Variants in KCNT1 observed in about 807,000 individuals in gnomAD.
KCNT1 encodes the protein potassium channel subfamily T member 1.
In KCNT1, 78 loss-of-function variants were observed where a neutral mutation model predicts 147.8. That is an observed-to-expected ratio of 0.53 (90% CI 0.44 to 0.64). The LOEUF (loss-of-function observed/expected upper bound fraction) is 0.64, where lower values mean the gene tolerates loss of function less well. KCNT1 is among the 30% of genes least tolerant of loss of function. KCNT1 has a pLI of 0.00. For missense variants in KCNT1, 1,419 were observed against 1,750.3 expected, an observed-to-expected ratio of 0.81 and a Z score of 3.38; for synonymous variants, 867 against 748.8, an observed-to-expected ratio of 1.16 and a Z score of -2.58.
At chr9:135,768,418 CTCCTCCCGCCTTCCA>C (rs1029110936) in intron 13 of KCNT1, 177 bp from the exon 14 acceptor site, 13 of 499,106 alleles carry the variant, frequency 2.6e-5, no homozygotes, top group East Asian at 7.1e-5. Flanking sequence ...GAGTAGGGGC[CTCCTCCCGCCTTCCA>C]TCCTCCCCGC....
intron 2 of KCNT1, among the ~76,000 whole-genome samples, chr9:135,727,470 CT>C (rs57226914): frequency 0.046 from 6,961 of 150,876 alleles, 363 homozygotes; most frequent in African/African-American, 0.12. Context: ...CTCTCTCCCT[CT>C]CTCTCTGTCA....
chr9:135,716,688 C>T (rs921847955), intron 2 of KCNT1, among the ~76,000 whole-genome samples: 3 of 152,124 alleles, frequency 2.0e-5, no homozygotes, highest in East Asian at 1.9e-4. Context: ...GGTTGTGTGC[C>T]GATGGTATTA....
intron 10 of KCNT1, among the ~76,000 whole-genome samples, 171 bp from the exon 11 acceptor site, chr9:135,759,508 G>T (rs1309078415): frequency 2.6e-5 from 4 of 152,230 alleles, no homozygotes; most frequent in African/African-American, 7.2e-5. Flanking sequence ...GGACAGATGG[G>T]CAGGGCTGAG....
At chr9:135,756,648 C>A (rs66469249) in intron 6 of KCNT1, among the ~76,000 whole-genome samples, 1 of 152,018 alleles carries the variant, frequency 6.6e-6, no homozygotes, top group Non-Finnish European at 1.5e-5. Flanking sequence ...CTAGAGTGGG[C>A]GGCCCAGGAG....
chr9:135,765,950 G>A (rs2131479570), intron 13 of KCNT1, among the ~76,000 whole-genome samples, 190 bp downstream of exon 13: 1 of 152,132 alleles, frequency 6.6e-6, no homozygotes, highest in South Asian at 2.1e-4. Flanking sequence ...CATTTAGGGT[G>A]GATCGTCTGG....
At chr9:135,747,680 G>GC (rs1830911454) in intron 2 of KCNT1, among the ~76,000 whole-genome samples, 1 of 152,178 alleles carries the variant, frequency 6.6e-6, no homozygotes, top group South Asian at 2.1e-4. Context: ...GAGGGACACA[G>GC]CAGAGCTGGC....
rs765608022 is a variant in KCNT1, at chr9:135,791,843, C to T, written c.3549C>T (p.Asn1183=). The T allele has an allele frequency of 4.3e-6, 7 of 1,614,026 alleles. No individual in the cohort carries two copies. Among genetic ancestry groups the T allele is most frequent in the Admixed American group, 3.3e-5 (2 of 60,012 alleles). The part of the protein sequence containing the change: ...HQNTLSYVLI[N]PPPDTRLEPS... Reference sequence around the variant, plus strand: ...ACACCCTCTCCTACGTCCTCATCAACCCTCCGCCCGACACGAGGCTGGAGC... The same window carrying T: ...ACACCCTCTCCTACGTCCTCATCAATCCTCCGCCCGACACGAGGCTGGAGC... The change falls in exon 30 of 31, where the codon AAC becomes AAT. Residue 1183 remains asparagine (N), a synonymous_variant. Transcript: ENST00000371757.
At chr9:135,704,289 T>G (rs1017814809) in intron 1 of KCNT1, among the ~76,000 whole-genome samples, 1 of 152,126 alleles carries the variant, frequency 6.6e-6, no homozygotes, top group African/African-American at 2.4e-5. Flanking sequence ...CTTGGTGCTA[T>G]GGTTCAGAGG....
chr9:135,702,428 G>A (rs1835071246), intron 1 of KCNT1, 60 bp downstream of exon 1: 1 of 1,292,028 alleles, frequency 7.7e-7, no homozygotes, highest in Non-Finnish European at 1.1e-6. Context: ...AGACCCCCAA[G>A]TTCCCCCTCA....
At position 135,753,868 on chromosome 9, in the gene KCNT1, C is replaced by G. The variant is rs915829576; in HGVS notation, c.435-69C>G. ...CCATGAACCCGAGCCTGTGGAAGCC[C>G]TCGGGCAGCAAGTCCTTGCAGTGGT... is the stretch of plus-strand genomic sequence containing the variant. On this transcript the variant is annotated intron_variant, in intron 4 of 30. Transcript: ENST00000371757. 3 of 1,570,536 alleles carry G rather than the reference C, an allele frequency of 1.9e-6. No homozygotes were observed. In the African/African-American group the frequency reaches 4.1e-5, roughly 21 times the overall value.
intron 11 of KCNT1, among the ~76,000 whole-genome samples, chr9:135,761,881 C>T (rs1012961392): frequency 2.3e-4 from 35 of 152,344 alleles, no homozygotes; most frequent in African/African-American, 5.8e-4. Context: ...GGGCTGCGTC[C>T]GGCTCCTCTC....
chr9:135,718,789 C>T (rs1348376348), intron 2 of KCNT1, among the ~76,000 whole-genome samples: 1 of 152,212 alleles, frequency 6.6e-6, no homozygotes, highest in Non-Finnish European at 1.5e-5. Context: ...CTTCCTGTTT[C>T]CCCCGGGAGT....
At chr9:135,774,919 C>T (rs1833057905) in intron 19 of KCNT1, among the ~76,000 whole-genome samples, 1 of 152,152 alleles carries the variant, frequency 6.6e-6, no homozygotes, top group African/African-American at 2.4e-5. Context: ...TCCAGTCCCC[C>T]AAGGCCCTGA....
rs150905302 is a variant in KCNT1 at position 135,769,981 on chromosome 9, C to T, written c.1545C>T (p.Ala515=). 3.1e-4 allele frequency: 475 copies of T among 1,556,356 alleles called. 1 individual carries two copies. The highest frequency in any genetic ancestry group is 6.6e-5 in the Non-Finnish European group (76 of 1,150,288). Reference sequence around the variant, plus strand: ...TGTGTGAGGAGGAGTGCAAGTACGCCATGCTGGCGCTGAACTGCATCTGCC... The same window carrying T: ...TGTGTGAGGAGGAGTGCAAGTACGCTATGCTGGCGCTGAACTGCATCTGCC... ...HVVCEEECKY[A]MLALNCICPA... Residue 515 remains alanine, a synonymous_variant, in exon 16 of 31, where the codon GCC becomes GCT. Transcript: ENST00000371757.
In KCNT1 at chr9:135,757,039, C is replaced by A. The variant is rs1831538649; in HGVS notation, c.600+107C>A. 4 of 962,548 alleles carry A rather than the reference C, an allele frequency of 4.2e-6. 1 individual carries two copies. The highest frequency in any genetic ancestry group is 1.9e-5 in the African/African-American group (1 of 51,818). The allele number at this position is 962,548 out of a possible 1,614,324, so 59.6% of individuals were successfully genotyped here. On this transcript the variant is annotated intron_variant, in intron 7 of 30. Transcript: ENST00000371757. ...TCTCCTATTTCCCCACACTTCCCAG[C>A]CTCATCCACTGACCTCCAGGGTGGG...
At chr9:135,777,287 A>G (rs1036036482) in intron 20 of KCNT1, 51 bp from the exon 21 acceptor site, 3 of 1,575,772 alleles carry the variant, frequency 1.9e-6, no homozygotes, top group Non-Finnish European at 2.6e-6. Context: ...TCCAGTGGCC[A>G]GCAGGAACCA....
At chr9:135,766,929 A>G (rs965796923) in intron 13 of KCNT1, among the ~76,000 whole-genome samples, 1 of 152,200 alleles carries the variant, frequency 6.6e-6, no homozygotes, top group Non-Finnish European at 1.5e-5. Context: ...CTGTGAGTCA[A>G]GGTGGGAGAA....
intron 2 of KCNT1, among the ~76,000 whole-genome samples, chr9:135,728,413 AC>A (rs1212412733): frequency 6.6e-6 from 1 of 152,186 alleles, no homozygotes; most frequent in Non-Finnish European, 1.5e-5. Flanking sequence ...CGGCCAAGCC[AC>A]CCGCAGGCCC....
chr9:135,720,719 G>A (rs373798786), intron 2 of KCNT1, among the ~76,000 whole-genome samples: 9 of 152,326 alleles, frequency 5.9e-5, no homozygotes, highest in African/African-American at 1.9e-4. Flanking sequence ...GAGAAGGCCC[G>A]GGAGCCAGCC....
Sources: gnomAD v4.1 joint callset for allele counts (sites outside exome capture counted in the v4.1 genomes callset) on GRCh38, gnomAD v4.1.1 for gene constraint, MANE v1.5 for transcripts, NCBI Gene and HGNC (gene_info 2026-07-23, HGNC 2026-07-21) for gene names.